LNPK: variants seen among roughly 807,000 people sequenced by gnomAD.
LNPK encodes endoplasmic reticulum junction formation protein lunapark.
LNPK carries 29 observed loss-of-function variants against 55.2 expected under a neutral mutation model. The observed-to-expected ratio is 0.53, with a 90% confidence interval of 0.39 to 0.72. The LOEUF (loss-of-function observed/expected upper bound fraction) is 0.72, where lower values mean the gene tolerates loss of function less well. Among genes scored for constraint, LNPK ranks in the 30% least tolerant of loss-of-function variants. The probability of loss-of-function intolerance (pLI) is 0.00; values close to 1 mark genes in which losing one functional copy is unlikely to be tolerated. For synonymous variants in LNPK, 162 were observed against 168.2 expected, an observed-to-expected ratio of 0.96 and a Z score of 0.29; for missense variants, 467 against 494.8, an observed-to-expected ratio of 0.94 and a Z score of 0.53.
At chr2:175,966,044 G>A (rs1035961807) in intron 6 of LNPK, among the ~76,000 whole-genome samples, 2 of 152,086 alleles carry the variant, frequency 1.3e-5, no homozygotes, top group Non-Finnish European at 2.9e-5. Flanking sequence ...TGTGCAACTG[G>A]GGAACTGAAT....
intron 12 of LNPK, among the ~76,000 whole-genome samples, chr2:175,935,984 C>T (rs1684527906): frequency 6.6e-6 from 1 of 152,002 alleles, no homozygotes; most frequent in South Asian, 2.1e-4. Flanking sequence ...CAGGGCTAGT[C>T]ATGGAAAAGA....
At chr2:175,997,587 T>C (rs1187875925) in intron 1 of LNPK, among the ~76,000 whole-genome samples, 1 of 152,186 alleles carries the variant, frequency 6.6e-6, no homozygotes, top group Non-Finnish European at 1.5e-5. Flanking sequence ...GTCAAGTTTC[T>C]AACCATCACA....
chr2:175,981,110 T>C (rs1162964198), intron 4 of LNPK, among the ~76,000 whole-genome samples: 1 of 152,190 alleles, frequency 6.6e-6, no homozygotes, highest in African/African-American at 2.4e-5. Context: ...TCCCTGTCTC[T>C]TGGTATTCAC....
chr2:175,975,763 C>T (rs1686880349), intron 5 of LNPK, among the ~76,000 whole-genome samples: 1 of 152,204 alleles, frequency 6.6e-6, no homozygotes, highest in Non-Finnish European at 1.5e-5. Flanking sequence ...GTAATCCCAG[C>T]ACTTTGGGAG....
chr2:175,968,658 ATTG>A (rs1400885704), intron 6 of LNPK, among the ~76,000 whole-genome samples: 7 of 152,334 alleles, frequency 4.6e-5, no homozygotes, highest in South Asian at 4.1e-4. Flanking sequence ...CTCTTAAAAT[ATTG>A]TTAAGATGCT....
chr2:175,982,062 G>T (rs1574885319), intron 4 of LNPK, among the ~76,000 whole-genome samples: 1 of 151,998 alleles, frequency 6.6e-6, no homozygotes, highest in Non-Finnish European at 1.5e-5. Context: ...AAAACACCAG[G>T]CTTTGTCCTT....
chr2:176,000,761 T>C (rs1381510109), intron 1 of LNPK, among the ~76,000 whole-genome samples: 1 of 152,210 alleles, frequency 6.6e-6, no homozygotes, highest in African/African-American at 2.4e-5. Flanking sequence ...TGATTTATTC[T>C]AGAATTCTAA....
Position 175,960,523 on chromosome 2 carries a change from C to T in LNPK, c.493+3849G>A, listed in dbSNP as rs374734680. Reference sequence around the variant, plus strand: ...TCTTTGAAATCAATAAGAACAAAGACACAACATATCAGAATCTCTGGGACA... The same window carrying T: ...TCTTTGAAATCAATAAGAACAAAGATACAACATATCAGAATCTCTGGGACA... On this transcript the variant is annotated intron_variant, in intron 8 of 12. Transcript: ENST00000272748. 3.4e-3 allele frequency among the ~76,000 whole-genome samples: 522 copies of T among 152,242 alleles called. 15 individuals carry two copies. The South Asian group carries it at 0.073, about 21-fold the overall frequency.
Position 175,947,515 on chromosome 2 carries a change from T to C in LNPK, c.671A>G (p.His224Arg). 2 of 1,613,696 alleles carry C rather than the reference T, an allele frequency of 1.2e-6. No homozygotes were observed. The highest frequency in any genetic ancestry group is 2.2e-5 in the East Asian group (1 of 44,880). The change falls in exon 9 of 13, where the codon CAT becomes CGT. Residue 224 changes from histidine (H) to arginine (R), a missense_variant. His to Arg is a conservative substitution (Grantham distance 29). Transcript: ENST00000272748. ...PALSSNVLPR[H>R]LGSPATSVPG... ...CACTGAAGTAGCAGGGGATCCAAGA[T>C]GTCTTGGTAACACATTTGATGATAG...
At chr2:175,954,717 G>A (rs1263557933) in intron 8 of LNPK, among the ~76,000 whole-genome samples, 1 of 152,082 alleles carries the variant, frequency 6.6e-6, no homozygotes, top group Non-Finnish European at 1.5e-5. Context: ...AGTTCACCAA[G>A]GTCCTATTTG....
Position 175,937,327 on chromosome 2 carries a change from G to GT in LNPK, c.1054+16dup, listed in dbSNP as rs774735363. The GT allele has an allele frequency of 1.4e-5, 23 of 1,607,048 alleles. No individual in the cohort carries two copies. Among genetic ancestry groups the GT allele is most frequent in the Non-Finnish European group, 1.9e-5 (22 of 1,176,584 alleles). ...ACACATGTTATTAAGGGGCAAAACTGTTTAACATATTCATACCTTCATTAA... is the reference window on the plus strand; with the variant it reads ...ACACATGTTATTAAGGGGCAAAACTGTTTTAACATATTCATACCTTCATTAA... On this transcript the variant is annotated intron_variant, in intron 12 of 12. Transcript: ENST00000272748.
intron 8 of LNPK, among the ~76,000 whole-genome samples, chr2:175,958,472 A>G (rs1685813616): frequency 6.6e-6 from 1 of 152,200 alleles, no homozygotes; most frequent in Admixed American, 6.5e-5. Context: ...CCTGCAGCTG[A>G]GGGTCCTGAC....
At chr2:175,972,659 C>T (rs1342355459) in intron 5 of LNPK, among the ~76,000 whole-genome samples, 1 of 152,154 alleles carries the variant, frequency 6.6e-6, no homozygotes, top group Non-Finnish European at 1.5e-5. Flanking sequence ...TCCATTAATG[C>T]TGATCTGTAA....
intron 9 of LNPK, among the ~76,000 whole-genome samples, chr2:175,947,264 T>C (rs1199646118): frequency 6.6e-6 from 1 of 152,162 alleles, no homozygotes; most frequent in Non-Finnish European, 1.5e-5. Context: ...AAAGAAGCCA[T>C]AACAGTTAAA....
At chr2:175,959,058 G>T (rs926697922) in intron 8 of LNPK, among the ~76,000 whole-genome samples, 2 of 152,176 alleles carry the variant, frequency 1.3e-5, no homozygotes, top group African/African-American at 2.4e-5. Flanking sequence ...CAAGAAATAT[G>T]GGACTATGTG....
In LNPK at chr2:175,993,321, T is replaced by A. The variant is rs1687784117; in HGVS notation, c.28-98A>T. 3 of 688,764 alleles carry A rather than the reference T, an allele frequency of 4.4e-6. No individual in the cohort carries two copies. The Admixed American group carries it at 1.1e-4, about 24-fold the overall frequency. The allele number at this position is 688,764 out of a possible 1,614,324, so 42.7% of individuals were successfully genotyped here. ...AAGAACATTTATTTCAAAATTAAAT[T>A]TTCTCAAATCTTGTCAAATATGCAT... On this transcript the variant is annotated intron_variant, in intron 2 of 12. Coordinates refer to ENST00000272748, the MANE Select transcript of LNPK (RefSeq NM_030650.3).
chr2:175,996,943 C>T (rs559771509), intron 1 of LNPK, among the ~76,000 whole-genome samples: 4 of 152,202 alleles, frequency 2.6e-5, no homozygotes, highest in Non-Finnish European at 4.4e-5. Context: ...AGATACTTGC[C>T]AATGTATAAA....
intron 12 of LNPK, among the ~76,000 whole-genome samples, chr2:175,933,262 A>G (rs549009673): frequency 8.5e-5 from 13 of 152,246 alleles, no homozygotes; most frequent in Non-Finnish European, 1.6e-4. Flanking sequence ...GTGTAATTAT[A>G]TAATGAATAT....
intron 6 of LNPK, among the ~76,000 whole-genome samples, chr2:175,966,027 T>C (rs970220779): frequency 2.6e-5 from 4 of 152,218 alleles, no homozygotes; most frequent in African/African-American, 9.6e-5. Context: ...GCACTTAAAA[T>C]GTTGCTTGTG....
Sources: gnomAD v4.1 joint callset for allele counts (sites outside exome capture counted in the v4.1 genomes callset) on GRCh38, gnomAD v4.1.1 for gene constraint, MANE v1.5 for transcripts, NCBI Gene and HGNC (gene_info 2026-07-23, HGNC 2026-07-21) for gene names.